Variants in FTO observed in about 807,000 individuals in gnomAD.
FTO encodes the protein alpha-ketoglutarate-dependent dioxygenase FTO.
A neutral mutation model predicts 63.9 loss-of-function variants in FTO; 47 were observed. The observed-to-expected ratio is 0.74, with a 90% CI of 0.58 to 0.94. The LOEUF (loss-of-function observed/expected upper bound fraction) is 0.94, where lower values mean the gene tolerates loss of function less well. FTO is among the 40% of genes least tolerant of loss of function. The pLI is 0.00. For synonymous variants in FTO, 207 were observed against 224.4 expected (o/e 0.92, Z 0.69); for missense variants, 562 against 618.1 (o/e 0.91, Z 0.96).
At chr16:54,051,216 A>T (rs2085305390) in intron 8 of FTO, among the ~76,000 whole-genome samples, 1 of 152,212 alleles carries the variant, frequency 6.6e-6, no homozygotes, top group African/African-American at 2.4e-5. Flanking sequence ...GATGAAGGCC[A>T]GAAGAAGAAA....
intron 1 of FTO, among the ~76,000 whole-genome samples, chr16:53,794,059 A>G (rs1020864146): frequency 6.6e-6 from 1 of 152,238 alleles, no homozygotes; most frequent in South Asian, 2.1e-4. Flanking sequence ...CAAAGATTTA[A>G]AAGTTTGATA....
chr16:53,816,985 C>T (rs557984844), intron 2 of FTO, among the ~76,000 whole-genome samples: 1 of 152,140 alleles, frequency 6.6e-6, no homozygotes, highest in Non-Finnish European at 1.5e-5. Context: ...TTATTCCCTG[C>T]TCCCACAGCA....
chr16:53,975,392 C>T (rs2083413699), intron 8 of FTO, among the ~76,000 whole-genome samples: 2 of 151,546 alleles, frequency 1.3e-5, no homozygotes. Context: ...TTTGACTTTC[C>T]AAATTTAATA....
At chr16:54,057,424 C>G (rs2085460893) in intron 8 of FTO, among the ~76,000 whole-genome samples, 1 of 152,228 alleles carries the variant, frequency 6.6e-6, no homozygotes, top group African/African-American at 2.4e-5. Flanking sequence ...CTGTCATTAA[C>G]ACCCTATTAC....
At chr16:53,966,482 A>G (rs1479219544) in intron 8 of FTO, among the ~76,000 whole-genome samples, 2 of 152,130 alleles carry the variant, frequency 1.3e-5, no homozygotes, top group African/African-American at 2.4e-5. Context: ...TGCCTTTATA[A>G]CTTCTGATTT....
At chr16:53,720,391 A>G (rs2076008565) in intron 1 of FTO, among the ~76,000 whole-genome samples, 1 of 151,888 alleles carries the variant, frequency 6.6e-6, no homozygotes, top group African/African-American at 2.4e-5. Flanking sequence ...GGTTTTTAGC[A>G]TTCTTATCTC....
At chr16:53,918,380 ATAAG>A (rs2081933215) in intron 7 of FTO, among the ~76,000 whole-genome samples, 1 of 152,230 alleles carries the variant, frequency 6.6e-6, no homozygotes, top group Non-Finnish European at 1.5e-5. Flanking sequence ...TGACACAATG[ATAAG>A]TATTTGTGTA....
At chr16:53,754,630 T>C (rs1311657888) in intron 1 of FTO, among the ~76,000 whole-genome samples, 1 of 151,910 alleles carries the variant, frequency 6.6e-6, no homozygotes, top group Non-Finnish European at 1.5e-5. Flanking sequence ...AGAGCGAGAC[T>C]TCGTCTCAAA....
intron 8 of FTO, among the ~76,000 whole-genome samples, chr16:53,945,197 G>A (rs1376619521): frequency 6.6e-6 from 1 of 152,218 alleles, no homozygotes; most frequent in African/African-American, 2.4e-5. Flanking sequence ...CGGGAGCAGG[G>A]AAAAGTGGAT....
intron 8 of FTO, among the ~76,000 whole-genome samples, chr16:54,011,080 C>T (rs2084324685): frequency 6.6e-6 from 1 of 152,216 alleles, no homozygotes; most frequent in Non-Finnish European, 1.5e-5. Flanking sequence ...CCACCTCTGA[C>T]TTCTGCACCC....
chr16:53,837,122 T>C (rs1436476277), intron 3 of FTO, among the ~76,000 whole-genome samples: 1 of 152,208 alleles, frequency 6.6e-6, no homozygotes, highest in African/African-American at 2.4e-5. Flanking sequence ...TTACCTGATT[T>C]CATATTTTAC....
At chr16:54,009,756 A>T (rs2084295187) in intron 8 of FTO, among the ~76,000 whole-genome samples, 1 of 152,102 alleles carries the variant, frequency 6.6e-6, no homozygotes, top group Admixed American at 6.6e-5. Context: ...TACGTCCAAG[A>T]TACGCATCTG....
intron 8 of FTO, among the ~76,000 whole-genome samples, chr16:54,085,057 C>G (rs2086230212): frequency 6.6e-6 from 1 of 152,108 alleles, no homozygotes; most frequent in Admixed American, 6.5e-5. Context: ...ACTTACTGCT[C>G]CCTAATGCTT....
At chr16:53,877,230 T>G (rs928708966) in intron 5 of FTO, among the ~76,000 whole-genome samples, 2 of 152,152 alleles carry the variant, frequency 1.3e-5, no homozygotes, top group East Asian at 3.9e-4. Flanking sequence ...CTAGGTAGTT[T>G]CCCAAGAGTG....
intron 8 of FTO, among the ~76,000 whole-genome samples, chr16:53,988,786 T>C (rs1053884456): frequency 1.3e-5 from 2 of 152,162 alleles, no homozygotes; most frequent in East Asian, 3.9e-4. Flanking sequence ...AACCAAGACA[T>C]AGGTTTGAAC....
chr16:54,101,122 C>CTTT (rs35569804), intron 8 of FTO, among the ~76,000 whole-genome samples: 21 of 147,352 alleles, frequency 1.4e-4, no homozygotes, highest in Non-Finnish European at 2.3e-4. Flanking sequence ...TTTTTTCTTT[C>CTTT]TTTTTTTTTT....
intron 5 of FTO, among the ~76,000 whole-genome samples, chr16:53,876,819 C>A (rs1401976601): frequency 6.6e-6 from 1 of 152,120 alleles, no homozygotes; most frequent in African/African-American, 2.4e-5. Flanking sequence ...CCCAGCTATT[C>A]AGCAGGCTGA....
chr16:54,017,130 C>A (rs1423482291), intron 8 of FTO, among the ~76,000 whole-genome samples: 1 of 152,150 alleles, frequency 6.6e-6, no homozygotes, highest in African/African-American at 2.4e-5. Flanking sequence ...GACTTGTAAT[C>A]ACCACTTGCC....
chr16:54,040,667 C>G (rs772874671), intron 8 of FTO: 9 of 152,128 alleles, frequency 5.9e-5, no homozygotes, highest in Non-Finnish European at 1.0e-4. Flanking sequence ...ATGGAGTTAG[C>G]GTTACATGCA....
Sources: gnomAD v4.1 joint callset for allele counts (sites outside exome capture counted in the v4.1 genomes callset) on GRCh38, gnomAD v4.1.1 for gene constraint, MANE v1.5 for transcripts, NCBI Gene and HGNC (gene_info 2026-07-23, HGNC 2026-07-21) for gene names.